CDK8: variants seen among roughly 807,000 people sequenced by gnomAD.
CDK8 encodes cyclin dependent kinase 8, also known as cyclin-dependent kinase 8.
A neutral mutation model predicts 71.5 loss-of-function variants in CDK8; 29 were observed. That is an observed-to-expected ratio of 0.41 (90% CI 0.30 to 0.55). CDK8 has a LOEUF of 0.55. CDK8 is among the 20% of genes least tolerant of loss of function. The pLI, the probability that CDK8 is intolerant of heterozygous loss-of-function variation, is 0.37. For synonymous variants in CDK8, 161 were observed against 192.1 expected (o/e 0.84, Z 1.34); for missense variants, 288 against 572.6 (o/e 0.50, Z 5.07).
chr13:26,296,697 G>A (rs1044181607), intron 1 of CDK8, among the ~76,000 whole-genome samples: 1 of 152,158 alleles, frequency 6.6e-6, no homozygotes, highest in South Asian at 2.1e-4. Context: ...TTGTCAAAGA[G>A]CATTTATAAC....
At chr13:26,281,889 G>T (rs993469376) in intron 1 of CDK8, among the ~76,000 whole-genome samples, 2 of 151,808 alleles carry the variant, frequency 1.3e-5, no homozygotes, top group African/African-American at 4.8e-5. Flanking sequence ...CACAACTTCT[G>T]GAAATGAAAA....
intron 4 of CDK8, among the ~76,000 whole-genome samples, chr13:26,355,200 A>G (rs1158465736): frequency 6.6e-6 from 1 of 152,214 alleles, no homozygotes; most frequent in Non-Finnish European, 1.5e-5. Flanking sequence ...TAGTTACTTT[A>G]TCTCCAGTTC....
chr13:26,298,375 T>A lies in CDK8; in HGVS notation c.129-39192T>A, dbSNP rs376310239. On this transcript the variant is annotated intron_variant, in intron 1 of 12. Transcript: ENST00000381527. ...CTTAGGCCACAGAAGTTCAAGAGAC[T>A]CTACCTTTGCTCATATTAGTCTCAG... 2.0e-4 allele frequency among the ~76,000 whole-genome samples: 31 copies of A among 152,204 alleles called. No individual in the cohort carries two copies. The East Asian group carries it at 4.8e-3, about 24-fold the overall frequency.
At chr13:26,390,075 C>T (rs1181049240) in intron 6 of CDK8, among the ~76,000 whole-genome samples, 1 of 152,158 alleles carries the variant, frequency 6.6e-6, no homozygotes, top group African/African-American at 2.4e-5. Flanking sequence ...CTCTACCACA[C>T]AATCCCATTC....
chr13:26,375,102 T>C (rs1432749579), intron 4 of CDK8, among the ~76,000 whole-genome samples: 1 of 152,132 alleles, frequency 6.6e-6, no homozygotes, highest in African/African-American at 2.4e-5. Context: ...TTTAATGATA[T>C]AATACTAAAT....
At chr13:26,334,359 T>C (rs760353950) in intron 1 of CDK8, among the ~76,000 whole-genome samples, 2 of 152,236 alleles carry the variant, frequency 1.3e-5, no homozygotes, top group African/African-American at 2.4e-5. Flanking sequence ...GAATGTGTTA[T>C]ACCCTTGGAT....
In CDK8 at chr13:26,404,680, A is replaced by G. The variant is rs1208673797; in HGVS notation, c.*599A>G. Reference sequence around the variant, plus strand: ...GTACAAAAAGCCACATAGTTTTTCCAGAAAGGTTTCAAAACTCCCAAAGAT... The same window carrying G: ...GTACAAAAAGCCACATAGTTTTTCCGGAAAGGTTTCAAAACTCCCAAAGAT... On this transcript the variant is annotated 3_prime_UTR_variant, in exon 13 of 13. Transcript: ENST00000381527. 2 of 229,578 alleles carry G rather than the reference A, an allele frequency of 8.7e-6. No homozygotes were observed. Among genetic ancestry groups the G allele is most frequent in the African/African-American group, 4.4e-5 (2 of 45,140 alleles). 14.2% of individuals were successfully genotyped at this position (229,578 alleles called of 1,614,324 possible). A position where few individuals can be genotyped will look rare whatever the true frequency, so the allele number is the denominator to read the frequency against.
intron 4 of CDK8, among the ~76,000 whole-genome samples, chr13:26,364,393 T>C (rs1183271073): frequency 6.6e-6 from 1 of 152,194 alleles, no homozygotes; most frequent in Non-Finnish European, 1.5e-5. Context: ...AATTTTACTG[T>C]GGGTTGTGTT....
intron 4 of CDK8, among the ~76,000 whole-genome samples, chr13:26,370,428 C>T (rs1874611240): frequency 6.6e-6 from 1 of 152,216 alleles, no homozygotes; most frequent in Admixed American, 6.5e-5. Context: ...AAATATAACA[C>T]AAAATTCAAT....
intron 1 of CDK8, among the ~76,000 whole-genome samples, chr13:26,269,271 A>G (rs149028068): frequency 7.5e-4 from 115 of 152,338 alleles, no homozygotes; most frequent in African/African-American, 1.9e-3. Context: ...TTTGGAAAGT[A>G]CTCCTTATAG....
At chr13:26,390,771 T>C (rs568191588) in intron 6 of CDK8, among the ~76,000 whole-genome samples, 2 of 152,318 alleles carry the variant, frequency 1.3e-5, no homozygotes, top group South Asian at 4.1e-4. Flanking sequence ...TTACTACACT[T>C]GTTGATTCAA....
intron 2 of CDK8, among the ~76,000 whole-genome samples, chr13:26,347,905 A>G (rs1873525985): frequency 6.6e-6 from 1 of 152,140 alleles, no homozygotes; most frequent in Admixed American, 6.5e-5. Context: ...AACACAGAGC[A>G]ATCATTTGAT....
At chr13:26,266,765 C>T (rs144124694) in intron 1 of CDK8, among the ~76,000 whole-genome samples, 2 of 152,276 alleles carry the variant, frequency 1.3e-5, no homozygotes, top group African/African-American at 4.8e-5. Context: ...ACTGCCATTC[C>T]TGTTTCTCTG....
At chr13:26,362,447 G>A (rs912983279) in intron 4 of CDK8, among the ~76,000 whole-genome samples, 1 of 152,154 alleles carries the variant, frequency 6.6e-6, no homozygotes, top group African/African-American at 2.4e-5. Flanking sequence ...TCAGTCAGAG[G>A]CCAAAGGTTT....
At chr13:26,318,340 C>G (rs1003893318) in intron 1 of CDK8, among the ~76,000 whole-genome samples, 18 of 152,190 alleles carry the variant, frequency 1.2e-4, no homozygotes, top group African/African-American at 4.3e-4. Context: ...GATGGCTTTG[C>G]TGGTTAATTC....
intron 1 of CDK8, among the ~76,000 whole-genome samples, chr13:26,315,595 G>C (rs756622697): frequency 6.6e-6 from 1 of 152,188 alleles, no homozygotes; most frequent in Non-Finnish European, 1.5e-5. Context: ...ATTTGTGAAA[G>C]AGTTGATAGT....
chr13:26,383,300 ACT>A (rs1394848277), intron 5 of CDK8, among the ~76,000 whole-genome samples: 3 of 152,202 alleles, frequency 2.0e-5, no homozygotes, highest in African/African-American at 7.2e-5. Context: ...GTTAATACAA[ACT>A]CTAGGGAAAA....
chr13:26,395,958 T>C (rs1875972278), intron 7 of CDK8, among the ~76,000 whole-genome samples: 1 of 152,184 alleles, frequency 6.6e-6, no homozygotes. Flanking sequence ...GTTTTACTAA[T>C]AGAAAGAGGA....
At chr13:26,349,016 G>T (rs1309508717) in intron 2 of CDK8, 56 bp from the exon 3 acceptor site, 6 of 1,038,574 alleles carry the variant, frequency 5.8e-6, no homozygotes, top group Non-Finnish European at 9.1e-6. Flanking sequence ...ATGGTGTGGG[G>T]TTTTTTACAT....
Sources: gnomAD v4.1 joint callset for allele counts (sites outside exome capture counted in the v4.1 genomes callset) on GRCh38, gnomAD v4.1.1 for gene constraint, MANE v1.5 for transcripts, NCBI Gene and HGNC (gene_info 2026-07-23, HGNC 2026-07-21) for gene names.